Variants in PDE10A observed in about 807,000 individuals in gnomAD.
PDE10A encodes phosphodiesterase 10A.
Under a neutral mutation model 97.7 loss-of-function variants are expected in PDE10A, and 39 were observed. The ratio of observed to expected loss-of-function variants is 0.40; its 90% CI spans 0.31 to 0.52. The LOEUF (loss-of-function observed/expected upper bound fraction) is 0.52. Among genes scored for constraint, PDE10A ranks in the 20% least tolerant of loss-of-function variants. PDE10A has a pLI of 0.56. For missense variants in PDE10A, 731 were observed against 1,047.8 expected (o/e 0.70, Z 4.17); for synonymous variants, 371 against 376.8 (o/e 0.98, Z 0.18).
rs986971544 is a variant in PDE10A at position 165,662,277 on chromosome 6, T to G, written c.535A>C (p.Ser179Arg). ...CTGCCACCGCCGCCGCGGTGACTAC[T>G]GCTGGTGGGGACGCTCAAGGGAGCT... ...EAAPLSVPTSSSHRGGGGSGG... is the reference protein window; with the variant it reads ...EAAPLSVPTSRSHRGGGGSGG... Residue 179 changes from serine to arginine, a missense_variant, in exon 1 of 22, where the codon AGT becomes CGT. Coordinates refer to ENST00000539869, the MANE Select transcript of PDE10A (RefSeq NM_001385079.1). The G allele has an allele frequency of 6.1e-6, 1 of 162,748 alleles. No homozygotes were observed. The highest frequency in any genetic ancestry group is 1.3e-5 in the Non-Finnish European group (1 of 79,450). 10.1% of individuals were successfully genotyped at this position (162,748 alleles called of 1,614,324 possible).
intron 1 of PDE10A, among the ~76,000 whole-genome samples, chr6:165,799,816 G>A (rs1778935242): frequency 6.6e-6 from 1 of 152,112 alleles, no homozygotes; most frequent in Non-Finnish European, 1.5e-5. Flanking sequence ...CGTAACTCTG[G>A]GGAACATACA....
At chr6:165,593,353 G>A (rs918589188) in intron 1 of PDE10A, among the ~76,000 whole-genome samples, 6 of 152,136 alleles carry the variant, frequency 3.9e-5, no homozygotes, top group Admixed American at 6.5e-5. Flanking sequence ...GTAGATGACC[G>A]GTTGATGGGT....
chr6:165,957,940 T>G (rs1019227343), intron 1 of PDE10A, among the ~76,000 whole-genome samples: 1 of 152,304 alleles, frequency 6.6e-6, no homozygotes, highest in South Asian at 2.1e-4. Context: ...TCCACACCTC[T>G]CAGGGCTGGA....
intron 1 of PDE10A, among the ~76,000 whole-genome samples, chr6:165,795,260 T>C (rs1252455919): frequency 6.6e-6 from 1 of 152,212 alleles, no homozygotes; most frequent in Non-Finnish European, 1.5e-5. Context: ...TCCTGGAAAT[T>C]CCCTAACATT....
intron 1 of PDE10A, among the ~76,000 whole-genome samples, chr6:165,757,560 G>A (rs753588109): frequency 6.6e-6 from 1 of 151,782 alleles, no homozygotes; most frequent in African/African-American, 2.4e-5. Context: ...CCTGGGGTAC[G>A]GCATAAGGTA....
chr6:165,488,308 A>G (rs1362571913), intron 2 of PDE10A, among the ~76,000 whole-genome samples: 3 of 152,238 alleles, frequency 2.0e-5, no homozygotes, highest in Non-Finnish European at 4.4e-5. Flanking sequence ...CCTCATTTTA[A>G]TACCTTTTAA....
At chr6:165,759,290 CA>C (rs34257054) in intron 1 of PDE10A, among the ~76,000 whole-genome samples, 86,617 of 151,984 alleles carry the variant, frequency 0.57, 27,965 homozygotes, top group Non-Finnish European at 0.72. Flanking sequence ...CACATCCTAA[CA>C]GAGAGATGAG....
At chr6:165,600,161 A>G (rs1339017212) in intron 1 of PDE10A, among the ~76,000 whole-genome samples, 1 of 152,084 alleles carries the variant, frequency 6.6e-6, no homozygotes. Flanking sequence ...ACACATTATA[A>G]TCACCTTCAC....
intron 10 of PDE10A, among the ~76,000 whole-genome samples, chr6:165,421,663 G>A (rs1788699694): frequency 6.6e-6 from 1 of 152,166 alleles, no homozygotes; most frequent in African/African-American, 2.4e-5. Context: ...TAGGCAAGAA[G>A]AACATGTGAG....
chr6:165,546,102 C>T (rs1783723211), intron 1 of PDE10A, among the ~76,000 whole-genome samples: 1 of 152,082 alleles, frequency 6.6e-6, no homozygotes. Context: ...GGCTAACAAG[C>T]CATGAAGTAA....
At chr6:165,585,040 T>G (rs545479679) in intron 1 of PDE10A, among the ~76,000 whole-genome samples, 1 of 152,246 alleles carries the variant, frequency 6.6e-6, no homozygotes, top group Non-Finnish European at 1.5e-5. Context: ...GCATTCTTCC[T>G]GCTCTTATCC....
intron 1 of PDE10A, among the ~76,000 whole-genome samples, chr6:165,753,708 G>A (rs1793056911): frequency 6.6e-6 from 1 of 152,046 alleles, no homozygotes; most frequent in Non-Finnish European, 1.5e-5. Context: ...CATCCTTTAA[G>A]TGACACAACT....
chr6:165,934,356 C>CAAAAATTTAG (rs1223621918), intron 1 of PDE10A, among the ~76,000 whole-genome samples: 1 of 151,878 alleles, frequency 6.6e-6, no homozygotes, highest in African/African-American at 2.4e-5. Flanking sequence ...TCTTTAGCTG[C>CAAAAATTTAG]ACCAAAATGG....
At chr6:165,972,943 T>C (rs1255287555) in intron 1 of PDE10A, among the ~76,000 whole-genome samples, 2 of 152,044 alleles carry the variant, frequency 1.3e-5, no homozygotes, top group Admixed American at 6.6e-5. Flanking sequence ...TCCTCTCCCC[T>C]CCATTCCCAC....
At chr6:165,459,820 G>A (rs1046888732) in intron 3 of PDE10A, among the ~76,000 whole-genome samples, 5 of 152,084 alleles carry the variant, frequency 3.3e-5, no homozygotes, top group African/African-American at 9.7e-5. Flanking sequence ...GAAATACTAC[G>A]TTTCCTGGAG....
At chr6:165,393,359 T>C (rs1375562371) in intron 15 of PDE10A, among the ~76,000 whole-genome samples, 3 of 151,614 alleles carry the variant, frequency 2.0e-5, no homozygotes, top group African/African-American at 7.3e-5. Flanking sequence ...TATAAAATAA[T>C]ATGATGTATA....
intron 1 of PDE10A, among the ~76,000 whole-genome samples, chr6:165,764,069 A>G (rs1379216925): frequency 5.3e-5 from 8 of 152,208 alleles, no homozygotes; most frequent in South Asian, 2.1e-4. Flanking sequence ...ACAAAATTCA[A>G]TTCAGTAGAG....
At chr6:165,403,694 C>A (rs1001613463) in intron 13 of PDE10A, among the ~76,000 whole-genome samples, 16 of 152,272 alleles carry the variant, frequency 1.1e-4, no homozygotes, top group Non-Finnish European at 2.2e-4. Context: ...ATTCTCTAAG[C>A]AAGTCCTAAA....
At chr6:165,340,054 A>G (rs1781888045) in intron 19 of PDE10A, among the ~76,000 whole-genome samples, 1 of 152,152 alleles carries the variant, frequency 6.6e-6, no homozygotes, top group Non-Finnish European at 1.5e-5. Context: ...GTTACTAAAG[A>G]TTCACTTACA....
Sources: allele counts gnomAD v4.1 joint callset (sites outside exome capture counted in the v4.1 genomes callset), GRCh38; gene constraint gnomAD v4.1.1; transcripts MANE v1.5; gene names NCBI Gene and HGNC (gene_info 2026-07-23, HGNC 2026-07-21).